Variants in PYHIN1 observed in about 807,000 individuals in gnomAD.
The protein encoded by PYHIN1 is pyrin and HIN domain-containing protein 1.
Under a neutral mutation model 43.7 loss-of-function variants are expected in PYHIN1, and 32 were observed. The ratio of observed to expected loss-of-function variants is 0.73; its 90% CI spans 0.55 to 0.98. The LOEUF is 0.98. Ranked by LOEUF, PYHIN1 falls within the 50% of genes least tolerant of loss-of-function variation. PYHIN1 has a pLI of 0.00. For missense variants in PYHIN1, 588 were observed against 589.5 expected, an observed-to-expected ratio of 1.00 and a Z score of 0.03; for synonymous variants, 205 against 203.1, an observed-to-expected ratio of 1.01 and a Z score of -0.08.
the PYHIN1 span, among the ~76,000 whole-genome samples, chr1:158,987,572 T>C: frequency 6.6e-6 from 1 of 152,222 alleles, no homozygotes; most frequent in Admixed American, 6.5e-5. Context: ...ATTTTTTTGC[T>C]TGTGCATTCG....
At chr1:158,972,370 GT>G (rs1363954574) in intron 7 of PYHIN1, among the ~76,000 whole-genome samples, 1 of 151,896 alleles carries the variant, frequency 6.6e-6, no homozygotes, top group Non-Finnish European at 1.5e-5. Context: ...TGACTAAATA[GT>G]TTTTTATTTT....
chr1:158,946,408 C>A (rs973053961), intron 7 of PYHIN1, among the ~76,000 whole-genome samples: 12 of 152,124 alleles, frequency 7.9e-5, no homozygotes, highest in African/African-American at 2.9e-4. Flanking sequence ...ACATTTACTG[C>A]AAATGCTCAA....
intron 7 of PYHIN1, among the ~76,000 whole-genome samples, chr1:158,966,037 A>G (rs1650612588): frequency 6.6e-6 from 1 of 152,190 alleles, no homozygotes. Context: ...AGAAATGACC[A>G]AGGGAAATTA....
chr1:158,979,913 T>C (rs1651430584), downstream of PYHIN1, among the ~76,000 whole-genome samples: 1 of 152,140 alleles, frequency 6.6e-6, no homozygotes, highest in Admixed American at 6.5e-5. Flanking sequence ...ACCACCAGTG[T>C]CTATTGTGCT....
At chr1:158,945,743 G>C (rs1422112023) in intron 7 of PYHIN1, among the ~76,000 whole-genome samples, 2 of 152,104 alleles carry the variant, frequency 1.3e-5, no homozygotes, top group Non-Finnish European at 2.9e-5. Flanking sequence ...TGATATATTT[G>C]TAGAAAAGAA....
chr1:158,975,558 T>A lies in PYHIN1; in HGVS notation c.*6-1143T>A, dbSNP rs188401122. 3.3e-5 allele frequency among the ~76,000 whole-genome samples: 5 copies of A among 152,250 alleles called. No individual in the cohort carries two copies. The East Asian group carries it at 9.6e-4, about 29-fold the overall frequency. On this transcript the variant is annotated intron_variant, in intron 8 of 8. Coordinates refer to ENST00000368140, the MANE Select transcript of PYHIN1 (RefSeq NM_152501.5). ...AATAACAATGAAAACAATATTTTTC[T>A]AACTGAGCTTCTACTGGGTAAAGCT...
chr1:158,968,023 T>A (rs1265285731), intron 7 of PYHIN1, among the ~76,000 whole-genome samples: 4 of 151,910 alleles, frequency 2.6e-5, no homozygotes, highest in African/African-American at 9.7e-5. Context: ...CCATTCTGGA[T>A]ATAGGGCCTG....
the PYHIN1 span, among the ~76,000 whole-genome samples, chr1:158,987,980 A>G: frequency 6.6e-6 from 1 of 152,222 alleles, no homozygotes; most frequent in African/African-American, 2.4e-5. Context: ...ATAAAAACAG[A>G]TAGTAAGGTT....
intron 6 of PYHIN1, 72 bp from the exon 7 acceptor site, chr1:158,944,803 T>G: frequency 8.8e-7 from 1 of 1,142,396 alleles, no homozygotes; most frequent in Non-Finnish European, 1.2e-6. Context: ...AGGATGATAT[T>G]CTCACATATT....
At chr1:158,957,402 CAG>C (rs1468106574) in intron 7 of PYHIN1, among the ~76,000 whole-genome samples, 1 of 152,116 alleles carries the variant, frequency 6.6e-6, no homozygotes, top group Non-Finnish European at 1.5e-5. Flanking sequence ...GTTACCAAAA[CAG>C]AGATATAGAT....
Position 158,972,671 on chromosome 1 carries a change from G to C in PYHIN1, c.1360-976G>C, listed in dbSNP as rs143566519. On this transcript the variant is annotated intron_variant, in intron 7 of 8. Coordinates refer to ENST00000368140, the MANE Select transcript of PYHIN1 (RefSeq NM_152501.5). ...TTCTTACTCTTTCCTACATGTTTTT[G>C]TTTCATACATGGTACTCCCTTTGTC... 8.3e-3 allele frequency among the ~76,000 whole-genome samples: 1,259 copies of C among 151,926 alleles called. 39 individuals carry two copies. Among genetic ancestry groups the C allele is most frequent in the Admixed American group, 0.058 (877 of 15,242 alleles).
intron 7 of PYHIN1, among the ~76,000 whole-genome samples, chr1:158,950,344 A>G (rs1270076945): frequency 6.6e-6 from 1 of 152,196 alleles, no homozygotes; most frequent in South Asian, 2.1e-4. Flanking sequence ...CCTCTTCAGC[A>G]TCCCCCAGGT....
intron 7 of PYHIN1, among the ~76,000 whole-genome samples, chr1:158,954,585 AG>A (rs768565160): frequency 6.6e-6 from 1 of 151,914 alleles, no homozygotes; most frequent in Non-Finnish European, 1.5e-5. Flanking sequence ...CTGCCTTAAA[AG>A]AGCTCCTGAA....
intron 1 of PYHIN1, among the ~76,000 whole-genome samples, chr1:158,935,745 C>T (rs1280022671): frequency 6.6e-6 from 1 of 152,128 alleles, no homozygotes; most frequent in Non-Finnish European, 1.5e-5. Flanking sequence ...ACCTAGGCCA[C>T]TCCAGTCATA....
intron 1 of PYHIN1, among the ~76,000 whole-genome samples, chr1:158,934,157 T>C (rs550528196): frequency 5.2e-4 from 79 of 152,308 alleles, no homozygotes; most frequent in Non-Finnish European, 2.6e-4. Context: ...GATTACTTAA[T>C]GCACATTTTT....
At chr1:158,940,028 A>C (rs1338248507) in intron 4 of PYHIN1, 1 of 154,418 alleles carries the variant, frequency 6.5e-6, no homozygotes, top group African/African-American at 2.4e-5. Context: ...GTTTGAGACT[A>C]GTCTGGCCAA....
chr1:158,966,346 G>A (rs962424300), intron 7 of PYHIN1, among the ~76,000 whole-genome samples: 3 of 151,958 alleles, frequency 2.0e-5, no homozygotes, highest in Non-Finnish European at 2.9e-5. Context: ...AAAAACTGGG[G>A]AGGAGGGACT....
chr1:158,967,884 T>G (rs1772398), intron 7 of PYHIN1, among the ~76,000 whole-genome samples: 1 of 151,910 alleles, frequency 6.6e-6, no homozygotes, highest in African/African-American at 2.4e-5. Context: ...GATAACTGGC[T>G]AGCCATATGC....
intron 7 of PYHIN1, among the ~76,000 whole-genome samples, chr1:158,949,163 C>T (rs1553197268): frequency 6.6e-6 from 1 of 152,068 alleles, no homozygotes; most frequent in Non-Finnish European, 1.5e-5. Context: ...GATAACCCAT[C>T]CCCCCATCAG....
Sources: allele counts gnomAD v4.1 joint callset (sites outside exome capture counted in the v4.1 genomes callset), GRCh38; gene constraint gnomAD v4.1.1; transcripts MANE v1.5; gene names NCBI Gene and HGNC (gene_info 2026-07-23, HGNC 2026-07-21).